Variants in LETM1 observed in about 807,000 individuals in gnomAD.
LETM1 encodes leucine zipper and EF-hand containing transmembrane protein 1.
A neutral mutation model predicts 74.5 loss-of-function variants in LETM1; 50 were observed. The ratio of observed to expected loss-of-function variants is 0.67; its 90% CI spans 0.53 to 0.85. The LOEUF is 0.85. Among genes scored for constraint, LETM1 ranks in the 40% least tolerant of loss-of-function variants. The pLI is 0.00. For synonymous variants in LETM1, 446 were observed against 407.1 expected, an observed-to-expected ratio of 1.10 and a Z score of -1.15; for missense variants, 824 against 967.8, an observed-to-expected ratio of 0.85 and a Z score of 1.97.
At chr4:1,829,881 C>G (rs555173719) in intron 6 of LETM1, among the ~76,000 whole-genome samples, 42 of 152,204 alleles carry the variant, frequency 2.8e-4, no homozygotes, top group Non-Finnish European at 5.6e-4. Flanking sequence ...CACACACACA[C>G]ACACACGATG....
intron 2 of LETM1, among the ~76,000 whole-genome samples, chr4:1,846,782 A>C (rs1712895511): frequency 6.6e-6 from 1 of 152,192 alleles, no homozygotes; most frequent in Non-Finnish European, 1.5e-5. Flanking sequence ...TGAGCTAAGA[A>C]ATGAAACCAC....
chr4:1,814,463 T>C lies in LETM1; in HGVS notation c.2181A>G (p.Lys727=), dbSNP rs1190920696. The part of the protein sequence containing the change: ...EEKVEEKEKA[K]EKAEKEVAEV... ...CTGCGACCTCCTTCTCTGCCTTCTCTTTGGCCTTCTCCTTCTCCTCCACCT... is the reference window on the plus strand; with the variant it reads ...CTGCGACCTCCTTCTCTGCCTTCTCCTTGGCCTTCTCCTTCTCCTCCACCT... Residue 727 remains lysine (K), a synonymous_variant, in exon 14 of 14, where the codon AAA becomes AAG. Coordinates refer to ENST00000302787, the MANE Select transcript of LETM1 (RefSeq NM_012318.3). The C allele has an allele frequency of 3.7e-6, 6 of 1,614,164 alleles. No individual in the cohort carries two copies. The highest frequency in any genetic ancestry group is 4.2e-6 in the Non-Finnish European group (5 of 1,179,970).
chr4:1,825,527 C>T (rs760507860), intron 7 of LETM1, 37 bp downstream of exon 7: 2 of 1,590,538 alleles, frequency 1.3e-6, no homozygotes, highest in Non-Finnish European at 8.6e-7. Context: ...TTCCCTTGAG[C>T]CCGTGCCGGC....
At chr4:1,828,988 G>A (rs1712144682) in intron 6 of LETM1, among the ~76,000 whole-genome samples, 1 of 115,358 alleles carries the variant, frequency 8.7e-6, no homozygotes, top group African/African-American at 3.7e-5. Context: ...CGGGCAGGGG[G>A]GCTGACCCCC....
At chr4:1,839,937 A>C (rs1358288891) in intron 3 of LETM1, among the ~76,000 whole-genome samples, 1 of 152,184 alleles carries the variant, frequency 6.6e-6, no homozygotes, top group Admixed American at 6.5e-5. Flanking sequence ...GCTTTATAGT[A>C]AACTGATAAA....
intron 2 of LETM1, among the ~76,000 whole-genome samples, chr4:1,847,865 T>G (rs1241570824): frequency 6.9e-6 from 1 of 145,270 alleles, no homozygotes; most frequent in African/African-American, 2.6e-5. Context: ...GGGTGTGGTG[T>G]GCGCGCCTGT....
At chr4:1,820,188 G>A (rs905386799) in intron 10 of LETM1, among the ~76,000 whole-genome samples, 6 of 152,098 alleles carry the variant, frequency 3.9e-5, no homozygotes, top group African/African-American at 1.4e-4. Context: ...CTCCCACCTC[G>A]GCTTCCCACA....
At chr4:1,816,055 G>A (rs1711561435) in intron 12 of LETM1, among the ~76,000 whole-genome samples, 1 of 152,272 alleles carries the variant, frequency 6.6e-6, no homozygotes, top group African/African-American at 2.4e-5. Context: ...GCCCCTCAGT[G>A]GCTGCCCCTC....
intron 6 of LETM1, among the ~76,000 whole-genome samples, chr4:1,827,867 G>A (rs1353945452): frequency 2.7e-5 from 4 of 147,702 alleles, no homozygotes; most frequent in African/African-American, 1.1e-4. Flanking sequence ...AGGGGCGGCC[G>A]GGCAGAGGCG....
At chr4:1,841,894 G>A (rs375215963) in intron 2 of LETM1, 97 bp from the exon 3 acceptor site, 181 of 856,340 alleles carry the variant, frequency 2.1e-4, no homozygotes, top group Middle Eastern at 1.0e-3. Flanking sequence ...CACATGCCCC[G>A]TGCCATGCCA....
chr4:1,824,508 G>A (rs78903103), intron 7 of LETM1, among the ~76,000 whole-genome samples: 6,043 of 152,272 alleles, frequency 0.04, 410 homozygotes, highest in African/African-American at 0.14. Context: ...GAGACAAACT[G>A]AACACGGGGC....
At chr4:1,832,185 C>T (rs956648633) in intron 6 of LETM1, among the ~76,000 whole-genome samples, 2 of 152,040 alleles carry the variant, frequency 1.3e-5, no homozygotes, top group South Asian at 2.1e-4. Context: ...GCCTGTAATC[C>T]CAGCTACTCT....
intron 1 of LETM1, among the ~76,000 whole-genome samples, chr4:1,854,569 G>A (rs1024988948): frequency 6.6e-6 from 1 of 152,070 alleles, no homozygotes. Context: ...CGAGGTGGGT[G>A]GATCACCTGA....
chr4:1,831,337 G>C (rs1205836239), intron 6 of LETM1, among the ~76,000 whole-genome samples: 9 of 152,370 alleles, frequency 5.9e-5, no homozygotes, highest in African/African-American at 2.2e-4. Flanking sequence ...CGGGACAGCG[G>C]TGCTGCTTGC....
At chr4:1,843,563 C>G (rs998167890) in intron 2 of LETM1, among the ~76,000 whole-genome samples, 1 of 152,252 alleles carries the variant, frequency 6.6e-6, no homozygotes, top group African/African-American at 2.4e-5. Context: ...CCCTCAATTA[C>G]AGACATGCAA....
At chr4:1,831,550 G>A (rs1292220404) in intron 6 of LETM1, among the ~76,000 whole-genome samples, 1 of 152,256 alleles carries the variant, frequency 6.6e-6, no homozygotes, top group Non-Finnish European at 1.5e-5. Context: ...AAGTGTGGCG[G>A]ATACACTGTC....
At chr4:1,826,257 A>G (rs1711982158) in intron 6 of LETM1, among the ~76,000 whole-genome samples, 1 of 152,244 alleles carries the variant, frequency 6.6e-6, no homozygotes, top group Admixed American at 6.5e-5. Context: ...CAGGGCTCCC[A>G]TGCCAGGACT....
intron 3 of LETM1, among the ~76,000 whole-genome samples, chr4:1,840,709 T>TA (rs57462521): frequency 0.022 from 3,179 of 143,182 alleles, 108 homozygotes; most frequent in African/African-American, 0.077. Flanking sequence ...ATAATAATAA[T>TA]AAAAAAAAAA....
chr4:1,844,961 G>A (rs1441440343), intron 2 of LETM1, among the ~76,000 whole-genome samples: 1 of 151,780 alleles, frequency 6.6e-6, no homozygotes, highest in Non-Finnish European at 1.5e-5. Context: ...AGAGGCCGAG[G>A]CGGGCAGATC....
Sources: allele counts gnomAD v4.1 joint callset (sites outside exome capture counted in the v4.1 genomes callset), GRCh38; gene constraint gnomAD v4.1.1; transcripts MANE v1.5; gene names NCBI Gene and HGNC (gene_info 2026-07-23, HGNC 2026-07-21).